DAG1: variants seen among roughly 807,000 people sequenced by gnomAD.
DAG1 encodes dystroglycan 1 (dystrophin-associated glycoprotein 1).
A neutral mutation model predicts 46.1 loss-of-function variants in DAG1; 8 were observed. The ratio of observed to expected loss-of-function variants is 0.17; its 90% CI spans 0.10 to 0.31. The LOEUF (loss-of-function observed/expected upper bound fraction) is 0.31, where lower values mean the gene tolerates loss of function less well. DAG1 is among the 10% of genes least tolerant of loss of function. The pLI is 1.00. For missense variants in DAG1, 1,003 were observed against 1,189.9 expected, an observed-to-expected ratio of 0.84 and a Z score of 2.31; for synonymous variants, 495 against 481.8, an observed-to-expected ratio of 1.03 and a Z score of -0.36.
At chr3:49,507,771 A>G (rs900864546) in intron 1 of DAG1, among the ~76,000 whole-genome samples, 4 of 151,888 alleles carry the variant, frequency 2.6e-5, no homozygotes, top group Non-Finnish European at 5.9e-5. Context: ...GCTCAAGCCA[A>G]CCTTCTTCCT....
rs781337742 is a variant in DAG1, at chr3:49,533,341, C to G, written c.*142C>G. 3.0e-5 allele frequency: 38 copies of G among 1,267,854 alleles called. No homozygotes were observed. In the South Asian group the frequency reaches 4.6e-4, roughly 15 times the overall value. 78.5% of individuals were successfully genotyped at this position (1,267,854 alleles called of 1,614,324 possible). ...GCACACACTGACACAGGGGCCTGGA[C>G]AAGCCCGCCCTCTCTGGTCCTCCCA... On this transcript the variant is annotated 3_prime_UTR_variant, in exon 3 of 3. Coordinates refer to ENST00000308775, the MANE Select transcript of DAG1 (RefSeq NM_004393.6).
At chr3:49,475,441 C>T (rs1234011139) in intron 1 of DAG1, among the ~76,000 whole-genome samples, 9 of 134,436 alleles carry the variant, frequency 6.7e-5, no homozygotes, top group Non-Finnish European at 1.1e-4. Flanking sequence ...GAGTCTCACT[C>T]TGTTGCCCAG....
At chr3:49,511,125 C>T (rs2050750635) in intron 2 of DAG1, 1 of 354,216 alleles carries the variant, frequency 2.8e-6, no homozygotes, top group Admixed American at 6.5e-5. Context: ...GGAAAGGTTA[C>T]CTTTAATAAA....
intron 2 of DAG1, among the ~76,000 whole-genome samples, chr3:49,527,652 G>A (rs1322565691): frequency 6.6e-6 from 1 of 152,094 alleles, no homozygotes; most frequent in East Asian, 1.9e-4. Flanking sequence ...GCAGTGAGCC[G>A]AGATCACGCC....
chr3:49,469,612 A>C (rs1002523341), upstream of DAG1, among the ~76,000 whole-genome samples: 3 of 152,206 alleles, frequency 2.0e-5, no homozygotes, highest in South Asian at 2.1e-4. Flanking sequence ...GTTAGGCCTG[A>C]GGCGCTTTCC....
chr3:49,500,137 C>T (rs895809079), intron 1 of DAG1, among the ~76,000 whole-genome samples: 3 of 139,872 alleles, frequency 2.1e-5, no homozygotes, highest in Non-Finnish European at 4.6e-5. Flanking sequence ...CTCAGCCTCC[C>T]GAGTAGCTGG....
rs772616351 is a variant in DAG1, at chr3:49,532,681, C to A, written c.2170C>A (p.Pro724Thr). 1.4e-5 allele frequency: 23 copies of A among 1,614,072 alleles called. No individual in the cohort carries two copies. Among genetic ancestry groups the A allele is most frequent in the Non-Finnish European group, 1.8e-5 (21 of 1,180,050 alleles). ...RHLQFIPVVP[P>T]RRVPSEAPPT... ...CCTACAGTTTATCCCTGTGGTACCA[C>A]CCAGGAGAGTGCCCTCAGAGGCGCC... The change falls in exon 3 of 3, where the codon CCC becomes ACC. Residue 724 changes from proline to threonine, a missense_variant. Pro to Thr is a conservative substitution (Grantham distance 38). Coordinates refer to ENST00000308775, the MANE Select transcript of DAG1 (RefSeq NM_004393.6). This position sits in a 1 kb window ranked among gnomAD's most constrained non-coding sequence, Gnocchi z 5.4.
rs764472255 is a variant in DAG1, at chr3:49,533,190, C to T, written c.2679C>T (p.Val893=). Residue 893 remains valine, a synonymous_variant, in exon 3 of 3, where the codon GTC becomes GTT. Coordinates refer to ENST00000308775, the MANE Select transcript of DAG1 (RefSeq NM_004393.6). ...MTPYRSPPPY[V]PP The stretch of plus-strand genomic sequence containing the variant: ...CATACCGGTCACCTCCTCCCTATGT[C>T]CCACCTTAACCCGCAAGCGCCTGGG... 6.8e-6 allele frequency: 11 copies of T among 1,612,814 alleles called. No individual in the cohort carries two copies. In the Admixed American group the frequency reaches 1.7e-4, roughly 24 times the overall value.
At position 49,522,115 on chromosome 3, in the gene DAG1, C is replaced by T. The variant is rs573253647; in HGVS notation, c.286-8682C>T. The stretch of plus-strand genomic sequence containing the variant: ...TGTGATCTCGGCTCACTGCAACTTC[C>T]GCCTCCCGGGTTCAAGCAATTCTCC... On this transcript the variant is annotated intron_variant, in intron 2 of 2. Coordinates refer to ENST00000308775, the MANE Select transcript of DAG1 (RefSeq NM_004393.6). Among the ~76,000 whole-genome samples the T allele has an allele frequency of 3.2e-4, 48 of 151,778 alleles. No homozygotes were observed. In the South Asian group the frequency reaches 7.9e-3, roughly 25 times the overall value.
In DAG1 at chr3:49,531,753, T is replaced by A; in HGVS notation, c.1242T>A (p.Thr414=). The change falls in exon 3 of 3, where the codon ACT becomes ACA. Residue 414 remains threonine, a synonymous_variant. Transcript: ENST00000308775. The surrounding 1 kb of genome is among the most constrained non-coding windows in gnomAD (Gnocchi z 7.0). ...CCATTCCTGGCTATGTGGAGCCTAC[T>A]GCAGTTGCTACCCCTCCCACAACCA... ...TMTIPGYVEP[T]AVATPPTTTT... is the part of the protein sequence containing the mutation. 6.2e-7 allele frequency: 1 copy of A among 1,613,806 alleles called. No individual in the cohort carries two copies. Among genetic ancestry groups the A allele is most frequent in the East Asian group, 2.2e-5 (1 of 44,866 alleles).
chr3:49,488,195 A>G (rs2050088664), intron 1 of DAG1, among the ~76,000 whole-genome samples: 1 of 152,178 alleles, frequency 6.6e-6, no homozygotes, highest in South Asian at 2.1e-4. Context: ...TAATCAAACA[A>G]TAAGGGCAGG....
intron 2 of DAG1, among the ~76,000 whole-genome samples, chr3:49,524,010 A>C (rs1469423386): frequency 6.6e-6 from 1 of 152,220 alleles, no homozygotes; most frequent in African/African-American, 2.4e-5. Context: ...AGGAACTTTC[A>C]TATCCTGTTT....
chr3:49,497,463 AATG>A (rs1222966740), intron 1 of DAG1, among the ~76,000 whole-genome samples: 126 of 151,512 alleles, frequency 8.3e-4, no homozygotes, highest in African/African-American at 2.9e-3. Flanking sequence ...AAAATTAAAA[AATG>A]AGCCAGGCAT....
intron 1 of DAG1, among the ~76,000 whole-genome samples, chr3:49,480,575 GA>G (rs1186294517): frequency 2.0e-5 from 3 of 146,700 alleles, no homozygotes; most frequent in Non-Finnish European, 4.7e-5. Flanking sequence ...TTACAGGCGT[GA>G]GCCACTGCGT....
intron 2 of DAG1, among the ~76,000 whole-genome samples, chr3:49,514,636 A>AGGGTTTCACC (rs2107689718): frequency 6.7e-6 from 1 of 148,964 alleles, no homozygotes; most frequent in Non-Finnish European, 1.5e-5. Context: ...ACACCTGGCT[A>AGGGTTTCACC]ATTTTTGTGT....
At chr3:49,501,571 G>T (rs896002552) in intron 1 of DAG1, among the ~76,000 whole-genome samples, 3 of 152,142 alleles carry the variant, frequency 2.0e-5, no homozygotes, top group African/African-American at 7.2e-5. Flanking sequence ...CAGCACTTTG[G>T]GAGGCCGAGG....
chr3:49,471,009 A>C (rs2049504318), intron 1 of DAG1: 1 of 152,174 alleles, frequency 6.6e-6, no homozygotes, highest in African/African-American at 2.4e-5. Context: ...CTCCACAGAA[A>C]ATGTCGTCTC....
At position 49,532,866 on chromosome 3, in the gene DAG1, T is replaced by A. The variant is rs2051401793; in HGVS notation, c.2355T>A (p.Leu785=). Residue 785 remains leucine (L), a synonymous_variant, in exon 3 of 3, where the codon CTT becomes CTA. Coordinates refer to ENST00000308775, the MANE Select transcript of DAG1 (RefSeq NM_004393.6). The surrounding 1 kb of genome is among the most constrained non-coding windows in gnomAD (Gnocchi z 5.4). ...AGAAGCGGAAGGGCAAGCTTACCCT[T>A]GAGGACCAGGCCACCTTCATCAAGA... is the stretch of plus-strand genomic sequence containing the variant. ...YRKKRKGKLT[L]EDQATFIKKG... 6.2e-7 allele frequency: 1 copy of A among 1,613,998 alleles called. No individual in the cohort carries two copies. Among genetic ancestry groups the A allele is most frequent in the Non-Finnish European group, 8.5e-7 (1 of 1,180,030 alleles).
chr3:49,519,678 T>C (rs1356370110), intron 2 of DAG1, among the ~76,000 whole-genome samples: 1 of 152,164 alleles, frequency 6.6e-6, no homozygotes, highest in Non-Finnish European at 1.5e-5. Context: ...GCTGTCAGAA[T>C]GGCATTTGCC....
Sources: allele counts gnomAD v4.1 joint callset (sites outside exome capture counted in the v4.1 genomes callset), GRCh38; gene constraint gnomAD v4.1.1; non-coding constraint Gnocchi (gnomAD v3.1); transcripts MANE v1.5; gene names NCBI Gene and HGNC (gene_info 2026-07-23, HGNC 2026-07-21).